Variants in FLNB observed in about 807,000 individuals in gnomAD.
FLNB encodes filamin B.
FLNB carries 111 observed loss-of-function variants against 250.6 expected under a neutral mutation model. The observed-to-expected ratio is 0.44, with a 90% CI of 0.38 to 0.52. The LOEUF (loss-of-function observed/expected upper bound fraction) is 0.52. FLNB is among the 20% of genes least tolerant of loss of function. The pLI is 0.00. For missense variants in FLNB, 2,869 were observed against 3,447.8 expected, an observed-to-expected ratio of 0.83 and a Z score of 4.20; for synonymous variants, 1,302 against 1,372.1, an observed-to-expected ratio of 0.95 and a Z score of 1.13.
At chr3:58,064,777 C>G (rs1449471390) in intron 1 of FLNB, among the ~76,000 whole-genome samples, 3 of 152,004 alleles carry the variant, frequency 2.0e-5, no homozygotes, top group Non-Finnish European at 4.4e-5. Context: ...CTTTGAGAGG[C>G]CAATGTGGGC....
At chr3:58,010,940 G>A (rs919879307) in intron 1 of FLNB, among the ~76,000 whole-genome samples, 1 of 152,030 alleles carries the variant, frequency 6.6e-6, no homozygotes, top group Admixed American at 6.6e-5. Context: ...CCTGGAGATG[G>A]AGCCTTGCTC....
At chr3:58,097,623 T>C (rs1396661400) in intron 6 of FLNB, among the ~76,000 whole-genome samples, 192 bp from the exon 7 acceptor site, 1 of 152,168 alleles carries the variant, frequency 6.6e-6, no homozygotes, top group Non-Finnish European at 1.5e-5. Context: ...GACCCAGCTG[T>C]ATGGCTGAAG....
Position 58,157,213 on chromosome 3 carries a change from G to C in FLNB, c.6888+1138G>C, listed in dbSNP as rs115792665. Among the ~76,000 whole-genome samples the C allele has an allele frequency of 4.0e-3, 611 of 152,324 alleles. 4 individuals carry two copies. The highest frequency in any genetic ancestry group is 5.8e-3 in the Non-Finnish European group (393 of 68,034). On this transcript the variant is annotated intron_variant, in intron 41 of 45. Coordinates refer to ENST00000295956, the MANE Select transcript of FLNB (RefSeq NM_001457.4). Reference sequence around the variant, plus strand: ...CCAGGACACTGAAAAATAATTAGGTGTCTGAACTGGGAGTAGCAATTAAGT... The same window carrying C: ...CCAGGACACTGAAAAATAATTAGGTCTCTGAACTGGGAGTAGCAATTAAGT...
rs373882418 is a variant in FLNB at position 58,022,010 on chromosome 3, C to T, written c.292+13154C>T. On this transcript the variant is annotated intron_variant, in intron 1 of 45. Transcript: ENST00000295956. ...CTGGTCTTGAACTCCTGGGCTCAAG[C>T]GATCTGCCTGCCTCAGCCTCCCAAA... is the stretch of plus-strand genomic sequence containing the variant. 1.9e-4 allele frequency among the ~76,000 whole-genome samples: 29 copies of T among 152,220 alleles called. No homozygotes were observed. The East Asian group carries it at 4.8e-3, about 25-fold the overall frequency.
rs2686635 is a variant in FLNB, at chr3:58,109,773, G to T, written c.2323+74G>T. Reference sequence around the variant, plus strand: ...GCAGTTCTTTTCATAACGTTTCAATGCCTTTTGAACTAGGAAGTAGTCCAT... The same window carrying T: ...GCAGTTCTTTTCATAACGTTTCAATTCCTTTTGAACTAGGAAGTAGTCCAT... On this transcript the variant is annotated intron_variant, in intron 15 of 45. Transcript: ENST00000295956. 0.39 allele frequency: 626,081 copies of T among 1,599,108 alleles called. 141,021 individuals are homozygous for T. Among genetic ancestry groups the T allele is most frequent in the East Asian group, 0.98 (43,910 of 44,786 alleles).
chr3:58,141,750 C>T, intron 29 of FLNB, 108 bp from the exon 30 acceptor site: 1 of 1,033,684 alleles, frequency 9.7e-7, no homozygotes, highest in African/African-American at 1.6e-5. Flanking sequence ...GTGAGTGGCT[C>T]ACTGCAGTTC....
intron 1 of FLNB, among the ~76,000 whole-genome samples, chr3:58,052,274 A>G (rs2106844980): frequency 6.6e-6 from 1 of 152,298 alleles, no homozygotes; most frequent in Middle Eastern, 3.4e-3. Flanking sequence ...ATTAATCAGG[A>G]AAAATCACTC....
At chr3:58,154,697 G>A (rs2107292932) in intron 39 of FLNB, 94 bp from the exon 40 acceptor site, 1 of 1,379,790 alleles carries the variant, frequency 7.2e-7, no homozygotes. Context: ...GCTAGCAACA[G>A]ACGAAACCTA....
chr3:58,051,554 T>A (rs1248418181), intron 1 of FLNB, among the ~76,000 whole-genome samples: 1 of 152,230 alleles, frequency 6.6e-6, no homozygotes, highest in African/African-American at 2.4e-5. Context: ...ATGTGATTCC[T>A]GTGAGGTCTA....
chr3:58,144,712 C>T (rs568294383), intron 32 of FLNB, among the ~76,000 whole-genome samples: 7 of 152,340 alleles, frequency 4.6e-5, no homozygotes, highest in African/African-American at 7.2e-5. Flanking sequence ...GCAGTTCACA[C>T]GCCCTCTGGC....
At chr3:58,146,197 A>C in intron 33 of FLNB, 148 bp downstream of exon 33, 1 of 939,872 alleles carries the variant, frequency 1.1e-6, no homozygotes. Flanking sequence ...TTTCTTCTTT[A>C]GAGCCGCTTC....
chr3:58,100,589 C>CTTTTTTTTTTTTTTTTTTTTTTTTT (rs147921421), intron 8 of FLNB, among the ~76,000 whole-genome samples: 7 of 124,966 alleles, frequency 5.6e-5, no homozygotes, highest in African/African-American at 1.6e-4. Context: ...TTTTCTTTTT[C>CTTTTTTTTTTTTTTTTTTTTTTTTT]TTTTTTTTTT....
chr3:58,171,043 G>C lies in FLNB; in HGVS notation c.*281G>C. On this transcript the variant is annotated 3_prime_UTR_variant, in exon 46 of 46. Transcript: ENST00000295956. This position sits in a 1 kb window ranked among gnomAD's most constrained non-coding sequence, Gnocchi z 5.5. The stretch of plus-strand genomic sequence containing the variant: ...GTGGAACAGACCAGCCACTGCAGCA[G>C]ACAGACCAGGAACACAATGAGACTG... The C allele has an allele frequency of 2.3e-6, 1 of 434,668 alleles. No individual in the cohort carries two copies. The highest frequency in any genetic ancestry group is 4.2e-6 in the Non-Finnish European group (1 of 236,798). The allele number at this position is 434,668 out of a possible 1,614,324, so 26.9% of individuals were successfully genotyped here. A position where few individuals can be genotyped will look rare whatever the true frequency, so the allele number is the denominator to read the frequency against.
At chr3:58,096,118 C>T (rs2097238101) in intron 5 of FLNB, 23 bp from the exon 6 acceptor site, 1 of 1,594,442 alleles carries the variant, frequency 6.3e-7, no homozygotes, top group African/African-American at 1.3e-5. Context: ...CCTTTTCTAA[C>T]TGTTGCCCAC....
intron 43 of FLNB, chr3:58,165,552 C>G (rs1235793695): frequency 1.3e-5 from 2 of 152,232 alleles, no homozygotes; most frequent in Non-Finnish European, 2.9e-5. Flanking sequence ...ACCTTCTGAA[C>G]AAAGCAAACC....
At chr3:58,029,484 G>A (rs905898465) in intron 1 of FLNB, among the ~76,000 whole-genome samples, 5 of 151,184 alleles carry the variant, frequency 3.3e-5, no homozygotes, top group African/African-American at 1.2e-4. Flanking sequence ...GAGAAGGGAA[G>A]TTGTGATTAA....
In FLNB at chr3:58,078,697, C is replaced by G. The variant is rs750769136; in HGVS notation, c.542-20C>G. 7 of 1,604,434 alleles carry G rather than the reference C, an allele frequency of 4.4e-6. No individual in the cohort carries two copies. The South Asian group carries it at 6.7e-5, about 15-fold the overall frequency. On this transcript the variant is annotated intron_variant, in intron 2 of 45. Transcript: ENST00000295956. Reference sequence around the variant, plus strand: ...TTTGGTCAGCTAATGCTAAAAGAATCTTTTGTGTTCTGTTAACAGGTCTGT... The same window carrying G: ...TTTGGTCAGCTAATGCTAAAAGAATGTTTTGTGTTCTGTTAACAGGTCTGT...
intron 9 of FLNB, among the ~76,000 whole-genome samples, chr3:58,103,514 A>G (rs1435227514): frequency 6.6e-6 from 1 of 152,208 alleles, no homozygotes; most frequent in East Asian, 1.9e-4. Flanking sequence ...GTCCAGCTTT[A>G]GATGGAAAAG....
At chr3:58,079,411 C>T (rs2097206013) in intron 3 of FLNB, among the ~76,000 whole-genome samples, 1 of 152,098 alleles carries the variant, frequency 6.6e-6, no homozygotes, top group Non-Finnish European at 1.5e-5. Flanking sequence ...CACCACCACA[C>T]CTGGCTAATT....
Sources: gnomAD v4.1 joint callset for allele counts (sites outside exome capture counted in the v4.1 genomes callset) on GRCh38, gnomAD v4.1.1 for gene constraint, Gnocchi (gnomAD v3.1) non-coding constraint, MANE v1.5 for transcripts, NCBI Gene and HGNC (gene_info 2026-07-23, HGNC 2026-07-21) for gene names.